Variants in RGL1 observed in about 807,000 individuals in gnomAD.
The protein encoded by RGL1 is ral guanine nucleotide dissociation stimulator-like 1.
In RGL1, 24 loss-of-function variants were observed where a neutral mutation model predicts 95.2. That is an observed-to-expected ratio of 0.25 (90% CI 0.18 to 0.35). The LOEUF (loss-of-function observed/expected upper bound fraction) is 0.35. RGL1 is among the 10% of genes least tolerant of loss of function. RGL1 has a pLI of 1.00. For missense variants in RGL1, 715 were observed against 936.3 expected (o/e 0.76, Z 3.08); for synonymous variants, 329 against 344.9 (o/e 0.95, Z 0.51).
At chr1:183,730,323 G>C (rs1656556907) in intron 1 of RGL1, among the ~76,000 whole-genome samples, 1 of 152,082 alleles carries the variant, frequency 6.6e-6, no homozygotes, top group African/African-American at 2.4e-5. Flanking sequence ...CCAAGAGCCA[G>C]GGTTCCCTCC....
intron 14 of RGL1, among the ~76,000 whole-genome samples, chr1:183,908,643 T>G (rs942193533): frequency 2.0e-5 from 3 of 152,162 alleles, no homozygotes; most frequent in African/African-American, 7.2e-5. Flanking sequence ...TGTCAGCTGG[T>G]AAGACTGGCA....
At chr1:183,661,373 G>A (rs1305187003) in intron 1 of RGL1, among the ~76,000 whole-genome samples, 1 of 152,066 alleles carries the variant, frequency 6.6e-6, no homozygotes, top group Non-Finnish European at 1.5e-5. Context: ...TGATAAAGGG[G>A]ATATCACCAC....
intron 1 of RGL1, among the ~76,000 whole-genome samples, chr1:183,669,007 A>G (rs1652250322): frequency 1.4e-5 from 2 of 148,004 alleles, no homozygotes; most frequent in South Asian, 4.2e-4. Context: ...CAGTGGTGCA[A>G]TCTTGGCTCA....
At chr1:183,761,765 T>C (rs1429092489) in intron 2 of RGL1, among the ~76,000 whole-genome samples, 2 of 152,248 alleles carry the variant, frequency 1.3e-5, no homozygotes, top group African/African-American at 4.8e-5. Flanking sequence ...TTTGTCTACA[T>C]TGAAAATCTG....
intron 2 of RGL1, among the ~76,000 whole-genome samples, chr1:183,752,019 A>G (rs1231563450): frequency 6.6e-6 from 1 of 152,142 alleles, no homozygotes; most frequent in Non-Finnish European, 1.5e-5. Context: ...ATCCCCACAT[A>G]CTATACATAT....
In RGL1 at chr1:183,884,961, T is replaced by G. The variant is rs1193150586; in HGVS notation, c.951+23T>G. 5.0e-6 allele frequency: 8 copies of G among 1,599,352 alleles called. No homozygotes were observed. In the African/African-American group the frequency reaches 9.4e-5, roughly 19 times the overall value. On this transcript the variant is annotated intron_variant, in intron 7 of 17. Transcript: ENST00000360851. ...CATGTAATTGTCTTTTATAAAATAT[T>G]CTTTGTGTTTGGTAGATGCAAGAGA...
intron 1 of RGL1, among the ~76,000 whole-genome samples, chr1:183,737,139 C>T (rs1233867659): frequency 2.0e-5 from 3 of 151,990 alleles, no homozygotes; most frequent in East Asian, 3.8e-4. Context: ...CTTTTAAAGC[C>T]ATGTTTCAAA....
At chr1:183,912,051 C>T in intron 14 of RGL1, 31 bp from the exon 15 acceptor site, 1 of 1,598,318 alleles carries the variant, frequency 6.3e-7, no homozygotes, top group African/African-American at 1.3e-5. Context: ...TTTGTAACAG[C>T]CCAAATGCTT....
At chr1:183,896,571 T>G (rs1035937542) in intron 9 of RGL1, among the ~76,000 whole-genome samples, 1 of 152,208 alleles carries the variant, frequency 6.6e-6, no homozygotes, top group Non-Finnish European at 1.5e-5. Flanking sequence ...AAAACCCTTT[T>G]GTGGTTGTAC....
At chr1:183,795,130 A>G (rs1196193172) in intron 2 of RGL1, among the ~76,000 whole-genome samples, 1 of 152,136 alleles carries the variant, frequency 6.6e-6, no homozygotes, top group Non-Finnish European at 1.5e-5. Context: ...CAGCCTCCCT[A>G]AGTGCTGGGA....
chr1:183,846,242 A>G (rs1030958855), intron 2 of RGL1, among the ~76,000 whole-genome samples: 4 of 152,194 alleles, frequency 2.6e-5, no homozygotes, highest in African/African-American at 9.7e-5. Flanking sequence ...TGTCCTTTGG[A>G]GGGACATGGA....
intron 2 of RGL1, among the ~76,000 whole-genome samples, chr1:183,762,116 A>G (rs1658697989): frequency 1.3e-5 from 2 of 152,098 alleles, no homozygotes; most frequent in African/African-American, 4.8e-5. Flanking sequence ...TCATTCATCT[A>G]CTCACTGGAG....
At chr1:183,821,331 A>G (rs1388699285) in intron 2 of RGL1, among the ~76,000 whole-genome samples, 1 of 152,230 alleles carries the variant, frequency 6.6e-6, no homozygotes, top group East Asian at 1.9e-4. Context: ...CTAAAAATCA[A>G]TATTTTAAAA....
intron 1 of RGL1, chr1:183,648,742 T>G: frequency 6.2e-7 from 1 of 1,612,992 alleles, no homozygotes. Flanking sequence ...TTTACTATTG[T>G]TCCATGATTT....
intron 2 of RGL1, among the ~76,000 whole-genome samples, chr1:183,832,369 A>G (rs1245256146): frequency 6.6e-6 from 1 of 152,228 alleles, no homozygotes; most frequent in Non-Finnish European, 1.5e-5. Context: ...TTGTCTGTGA[A>G]TTATTCAGGT....
At chr1:183,643,520 T>G (rs1001753752) in intron 1 of RGL1, among the ~76,000 whole-genome samples, 2 of 152,138 alleles carry the variant, frequency 1.3e-5, no homozygotes, top group African/African-American at 4.8e-5. Flanking sequence ...CTTGATCTCC[T>G]GACCTCGTGA....
chr1:183,766,356 T>G (rs1489810428), intron 2 of RGL1, among the ~76,000 whole-genome samples: 1 of 152,032 alleles, frequency 6.6e-6, no homozygotes, highest in Non-Finnish European at 1.5e-5. Context: ...TTTTTACTAC[T>G]ACTTAATTCA....
intron 2 of RGL1, among the ~76,000 whole-genome samples, chr1:183,782,974 C>G (rs1185733050): frequency 6.6e-6 from 1 of 152,068 alleles, no homozygotes; most frequent in East Asian, 1.9e-4. Flanking sequence ...ATCTAGTTCT[C>G]CGGCCTGAAC....
intron 1 of RGL1, among the ~76,000 whole-genome samples, chr1:183,671,628 C>T (rs1319458157): frequency 6.6e-6 from 1 of 152,076 alleles, no homozygotes; most frequent in African/African-American, 2.4e-5. Flanking sequence ...AGCTAATGCC[C>T]CATAAATCTC....
Sources: allele counts gnomAD v4.1 joint callset (sites outside exome capture counted in the v4.1 genomes callset), GRCh38; gene constraint gnomAD v4.1.1; transcripts MANE v1.5; gene names NCBI Gene and HGNC (gene_info 2026-07-23, HGNC 2026-07-21).